GLB1L3: variants seen among roughly 807,000 people sequenced by gnomAD.
The protein encoded by GLB1L3 is beta-galactosidase-1-like protein 3.
A neutral mutation model predicts 89.5 loss-of-function variants in GLB1L3; 89 were observed. The ratio of observed to expected loss-of-function variants is 0.99; its 90% CI spans 0.84 to 1.19. The LOEUF (loss-of-function observed/expected upper bound fraction) is 1.19. Ranked by LOEUF, GLB1L3 falls within the 50% of genes most tolerant of loss-of-function variation. The pLI, the probability that GLB1L3 is intolerant of heterozygous loss-of-function variation, is 0.00. For synonymous variants in GLB1L3, 314 were observed against 312.3 expected (o/e 1.01, Z -0.06); for missense variants, 812 against 813.3 (o/e 1.00, Z 0.02).
In GLB1L3 at chr11:134,277,325, G is replaced by A; in HGVS notation, c.24-1G>A. ...GTCACTGTTGTCCTTTCTCCTTTCA[G>A]CCCGTGTCTCTCCTGGAAGAGAATG... On this transcript the variant is annotated splice_acceptor_variant, in intron 1 of 19. Transcript: ENST00000431683. LOFTEE classifies it high-confidence loss of function. 6.2e-7 allele frequency: 1 copy of A among 1,613,872 alleles called. No individual in the cohort carries two copies. The highest frequency in any genetic ancestry group is 8.5e-7 in the Non-Finnish European group (1 of 1,179,890).
chr11:134,276,363 C>A, upstream of GLB1L3: 1 of 210,542 alleles, frequency 4.7e-6, no homozygotes. Flanking sequence ...TCTCTCCGCC[C>A]CTCTCCCGCG....
At chr11:134,293,110 C>G (rs544325366) in intron 8 of GLB1L3, 35 bp from the exon 9 acceptor site, 3 of 1,592,608 alleles carry the variant, frequency 1.9e-6, no homozygotes, top group Non-Finnish European at 2.6e-6. Flanking sequence ...GCACTTGTCT[C>G]ATGCCTCAGC....
chr11:134,282,854 C>T (rs1299048031), intron 5 of GLB1L3, among the ~76,000 whole-genome samples: 2 of 152,166 alleles, frequency 1.3e-5, no homozygotes, highest in Non-Finnish European at 2.9e-5. Context: ...TTGCTTTTCT[C>T]CAGGGGCAGA....
At chr11:134,321,821 TGAG>T (rs1404831462), downstream of GLB1L3, among the ~76,000 whole-genome samples, 1 of 151,830 alleles carries the variant, frequency 6.6e-6, no homozygotes, top group Non-Finnish European at 1.5e-5. Context: ...CTAATGTAAA[TGAG>T]GAGTTAATGG....
intron 5 of GLB1L3, 77 bp from the exon 6 acceptor site, chr11:134,283,660 C>T (rs1420532674): frequency 1.3e-5 from 10 of 760,248 alleles, no homozygotes; most frequent in East Asian, 8.1e-5. Context: ...TGCGGCGAGC[C>T]GGGGCAGCTC....
intron 13 of GLB1L3, 72 bp from the exon 14 acceptor site, chr11:134,312,277 G>A (rs1194462575): frequency 2.6e-6 from 4 of 1,550,026 alleles, no homozygotes; most frequent in Non-Finnish European, 3.5e-6. Context: ...AGGACCAAAT[G>A]ACAGGGTCTT....
intron 9 of GLB1L3, among the ~76,000 whole-genome samples, chr11:134,294,988 A>G (rs1439189387): frequency 6.6e-6 from 1 of 152,250 alleles, no homozygotes; most frequent in African/African-American, 2.4e-5. Flanking sequence ...TTGTGAGATT[A>G]TCATTTTCTA....
At chr11:134,292,722 G>C in intron 8 of GLB1L3, 1 of 294,726 alleles carries the variant, frequency 3.4e-6, no homozygotes, top group Non-Finnish European at 6.4e-6. Flanking sequence ...GATGGCAATA[G>C]TGAGGGACAC....
chr11:134,314,154 T>G lies in GLB1L3; in HGVS notation c.1667+126T>G, dbSNP rs1942879563. 1.0e-5 allele frequency: 8 copies of G among 775,658 alleles called. 1 individual carries two copies. Among genetic ancestry groups the G allele is most frequent in the South Asian group, 1.6e-5 (1 of 63,446 alleles). The allele number at this position is 775,658 out of a possible 1,614,324, so 48.0% of individuals were successfully genotyped here. A position where few individuals can be genotyped will look rare whatever the true frequency, so the allele number is the denominator to read the frequency against. ...GATGTACTCCAGGCTGTTGGGTACTTCGGCGTCAGAACTAGGGCCCTGGAA... is the reference window on the plus strand; with the variant it reads ...GATGTACTCCAGGCTGTTGGGTACTGCGGCGTCAGAACTAGGGCCCTGGAA... On this transcript the variant is annotated intron_variant, in intron 17 of 19. Transcript: ENST00000431683.
chr11:134,311,843 C>T (rs1434861685), intron 13 of GLB1L3: 1 of 152,692 alleles, frequency 6.5e-6, no homozygotes, highest in Non-Finnish European at 1.5e-5. Context: ...GTGGCTGTGG[C>T]TGGAATGCGG....
chr11:134,317,974 A>G (rs753178429), intron 18 of GLB1L3, among the ~76,000 whole-genome samples: 41 of 152,148 alleles, frequency 2.7e-4, no homozygotes, highest in Non-Finnish European at 5.0e-4. Context: ...AGCTATAGCA[A>G]CTTCCTTTTG....
In GLB1L3 at chr11:134,277,869, C is replaced by G. The variant is rs376609958; in HGVS notation, c.319C>G (p.Arg107Gly). ...FRVPREYWRD[R>G]LLKLKACGFN... ...GGTGCCCAGGGAGTACTGGAGGGACCGCCTGCTGAAGCTGAAGGCCTGTGG... is the reference window on the plus strand; with the variant it reads ...GGTGCCCAGGGAGTACTGGAGGGACGGCCTGCTGAAGCTGAAGGCCTGTGG... Residue 107 changes from arginine (R) to glycine (G), a missense_variant, in exon 3 of 20, where the codon CGC becomes GGC. Physicochemically the swap from Arg to Gly is moderately radical, Grantham distance 125 (BLOSUM62 -2). Transcript: ENST00000431683. 2 of 1,613,934 alleles carry G rather than the reference C, an allele frequency of 1.2e-6. No homozygotes were observed. Among genetic ancestry groups the G allele is most frequent in the Non-Finnish European group, 1.7e-6 (2 of 1,179,950 alleles).
chr11:134,310,126 C>T, intron 11 of GLB1L3: 3 of 391,232 alleles, frequency 7.7e-6, no homozygotes, highest in South Asian at 6.8e-5. Flanking sequence ...AAGGGGTGTC[C>T]ACTCTTTTGG....
intron 9 of GLB1L3, chr11:134,305,382 C>T (rs1438482864): frequency 2.2e-6 from 1 of 458,686 alleles, no homozygotes; most frequent in Non-Finnish European, 3.9e-6. Flanking sequence ...AAAGAGCATT[C>T]TCTCTCTACG....
chr11:134,283,865 T>G lies in GLB1L3; in HGVS notation c.636+20T>G. On this transcript the variant is annotated intron_variant, in intron 6 of 19. Transcript: ENST00000431683. Reference sequence around the variant, plus strand: ...CTCCAGGTAAAGCCAAATTGTCCCCTGCATCTTTCTTACGTGCCCTTTAGG... The same window carrying G: ...CTCCAGGTAAAGCCAAATTGTCCCCGGCATCTTTCTTACGTGCCCTTTAGG... 1 of 1,422,810 alleles carries G rather than the reference T, an allele frequency of 7.0e-7. No homozygotes were observed. 88.1% of individuals were successfully genotyped at this position (1,422,810 alleles called of 1,614,324 possible). A position where few individuals can be genotyped will look rare whatever the true frequency, so the allele number is the denominator to read the frequency against.
In GLB1L3 at chr11:134,276,696, G is replaced by T; in HGVS notation, c.-45G>T. 7.1e-7 allele frequency: 1 copy of T among 1,415,566 alleles called. No homozygotes were observed. 87.7% of individuals were successfully genotyped at this position (1,415,566 alleles called of 1,614,324 possible). A position where few individuals can be genotyped will look rare whatever the true frequency, so the allele number is the denominator to read the frequency against. ...AGCGCGGCGTCGGGGCCAGCGGAGA[G>T]GGGCGGAAGCCGCAAGGGACCCTCG... On this transcript the variant is annotated 5_prime_UTR_variant, in exon 1 of 20. The change creates a new upstream start codon in the 5' untranslated region. Transcript: ENST00000431683.
In GLB1L3 at chr11:134,277,444, C is replaced by T. The variant is rs556952102; in HGVS notation, c.142C>T (p.Gln48Ter). Residue 48 changes from glutamine to a stop codon, truncating the protein, a stop_gained, in exon 2 of 20, where the codon CAG (glutamine) becomes TAG (stop). Transcript: ENST00000431683. LOFTEE classifies it high-confidence loss of function. ...CATGCTTGGAAGAGCGCATCCGTCC[C>T]AGCCTAGGTTTGCTTGAGAGCTACA... ...NFMLGRAHPSQPRFNWSHLTP... is the reference protein window; with the variant it reads ...NFMLGRAHPS 5.5e-5 allele frequency: 88 copies of T among 1,612,666 alleles called. No individual in the cohort carries two copies. The South Asian group carries it at 8.9e-4, about 16-fold the overall frequency.
At chr11:134,281,542 G>C (rs28472542) in intron 4 of GLB1L3, 97 bp downstream of exon 4, 697,219 of 1,201,314 alleles carry the variant, frequency 0.58, 189,537 homozygotes, top group Non-Finnish European at 0.61. Context: ...AGGGAGGGAC[G>C]TGGGTCTGGA....
intron 9 of GLB1L3, among the ~76,000 whole-genome samples, chr11:134,293,445 G>A (rs1436301537): frequency 2.6e-5 from 4 of 152,112 alleles, no homozygotes; most frequent in Non-Finnish European, 5.9e-5. Flanking sequence ...GGAAGGGCGA[G>A]GGGTGGTGGG....
Sources: allele counts gnomAD v4.1 joint callset (sites outside exome capture counted in the v4.1 genomes callset), GRCh38; gene constraint gnomAD v4.1.1; transcripts MANE v1.5; gene names NCBI Gene and HGNC (gene_info 2026-07-23, HGNC 2026-07-21).